The following C10orf67 variants were observed in gnomAD, a reference collection of about 807,000 sequenced individuals.
C10orf67 encodes chromosome 10 open reading frame 67.
C10orf67 carries 60 observed loss-of-function variants against 35.6 expected under a neutral mutation model. That is an observed-to-expected ratio of 1.68 (90% CI 1.37 to 2.09). C10orf67 has a LOEUF of 2.09. Among genes scored for constraint, C10orf67 ranks in the 30% most tolerant of loss-of-function variants. The probability of loss-of-function intolerance (pLI) is 0.00; values close to 1 mark genes in which losing one functional copy is unlikely to be tolerated. For synonymous variants in C10orf67, 167 were observed against 115.8 expected (o/e 1.44, Z -2.84); for missense variants, 474 against 330.2 (o/e 1.44, Z -3.38).
chr10:23,204,467 G>C (rs893803121), intron 15 of C10orf67, among the ~76,000 whole-genome samples: 2 of 152,162 alleles, frequency 1.3e-5, no homozygotes, highest in South Asian at 2.1e-4. Context: ...TCCAGACAGC[G>C]TGTGCCAGCC....
chr10:23,224,303 C>A (rs1455166515), intron 13 of C10orf67, among the ~76,000 whole-genome samples: 2 of 152,202 alleles, frequency 1.3e-5, no homozygotes, highest in East Asian at 3.9e-4. Flanking sequence ...TCCAACAGAC[C>A]TGCAGCTGAG....
rs1157339401 is a variant in C10orf67, at chr10:23,344,555, G to A, written c.206+14C>T. 1 of 1,564,664 alleles carries A rather than the reference G, an allele frequency of 6.4e-7. No individual in the cohort carries two copies. The highest frequency in any genetic ancestry group is 1.2e-5 in the South Asian group (1 of 84,992). On this transcript the variant is annotated intron_variant, in intron 1 of 15. Coordinates refer to ENST00000636213, the MANE Select transcript of C10orf67 (RefSeq NM_001371909.1). ...CTCGCTTCCTCCTCTACCCAGGCGCGGAGCTCAGCCTACCTCGTGGACCCG... is the reference window on the plus strand; with the variant it reads ...CTCGCTTCCTCCTCTACCCAGGCGCAGAGCTCAGCCTACCTCGTGGACCCG...
intron 5 of C10orf67, among the ~76,000 whole-genome samples, chr10:23,295,052 GAGCA>G (rs1434273736): frequency 1.3e-5 from 2 of 152,212 alleles, no homozygotes; most frequent in African/African-American, 4.8e-5. Context: ...GGGGAGAGCA[GAGCA>G]GTCAGGAGGG....
intron 15 of C10orf67, among the ~76,000 whole-genome samples, chr10:23,213,195 C>T (rs1841354868): frequency 6.6e-6 from 1 of 152,076 alleles, no homozygotes; most frequent in South Asian, 2.1e-4. Flanking sequence ...GAAGAATTCA[C>T]CCATATACAC....
intron 1 of C10orf67, 38 bp from the exon 2 acceptor site, chr10:23,333,220 G>T: frequency 2.0e-6 from 3 of 1,530,878 alleles, no homozygotes; most frequent in Non-Finnish European, 2.7e-6. Context: ...TTAAGTCATA[G>T]ATATTTTCTT....
At chr10:23,214,169 C>G (rs757230234) in intron 15 of C10orf67, among the ~76,000 whole-genome samples, 3 of 151,378 alleles carry the variant, frequency 2.0e-5, no homozygotes, top group African/African-American at 4.9e-5. Flanking sequence ...AAATGTATAA[C>G]AAAAAACTGA....
At chr10:23,227,454 A>T (rs1213289135) in intron 13 of C10orf67, among the ~76,000 whole-genome samples, 11 of 152,212 alleles carry the variant, frequency 7.2e-5, no homozygotes, top group Non-Finnish European at 1.3e-4. Context: ...AATAAGAGCT[A>T]TTTATGACAA....
rs1235001751 is a variant in C10orf67 at position 23,260,218 on chromosome 10, C to T, written c.1200+6044G>A. 4.6e-5 allele frequency among the ~76,000 whole-genome samples: 7 copies of T among 151,932 alleles called. No homozygotes were observed. The East Asian group carries it at 9.7e-4, about 21-fold the overall frequency. ...ACTTCTTATCAGGAACTATGCAAGC[C>T]GAAAGAGGGTGTAGTCATATCTTCA... On this transcript the variant is annotated intron_variant, in intron 10 of 15. Transcript: ENST00000636213.
intron 15 of C10orf67, among the ~76,000 whole-genome samples, chr10:23,212,097 T>C (rs1841323917): frequency 6.6e-6 from 1 of 152,028 alleles, no homozygotes; most frequent in Admixed American, 6.6e-5. Context: ...TGTGTCCTTA[T>C]AAAAAGAAGG....
chr10:23,292,605 A>G (rs1243428646), intron 5 of C10orf67, among the ~76,000 whole-genome samples: 5 of 152,200 alleles, frequency 3.3e-5, no homozygotes, highest in African/African-American at 1.2e-4. Flanking sequence ...GAAGTAAACT[A>G]TTAAAATATT....
rs1187952350 is a variant in C10orf67, at chr10:23,282,095, A to G, written c.910-17T>C. Reference sequence around the variant, plus strand: ...ATCCATTAACTGAAATAGAGAAGAAATTATATTTTTATTAAAGATAAGAAC... The same window carrying G: ...ATCCATTAACTGAAATAGAGAAGAAGTTATATTTTTATTAAAGATAAGAAC... On this transcript the variant is annotated splice_polypyrimidine_tract_variant and intron_variant, in intron 7 of 15. Coordinates refer to ENST00000636213, the MANE Select transcript of C10orf67 (RefSeq NM_001371909.1). 1.9e-6 allele frequency: 1 copy of G among 536,894 alleles called. No individual in the cohort carries two copies. The highest frequency in any genetic ancestry group is 3.3e-6 in the Non-Finnish European group (1 of 299,642). The allele number at this position is 536,894 out of a possible 1,614,324, so 33.3% of individuals were successfully genotyped here. A position where few individuals can be genotyped will look rare whatever the true frequency, so the allele number is the denominator to read the frequency against.
chr10:23,307,890 A>T (rs1564502012), intron 4 of C10orf67, among the ~76,000 whole-genome samples: 2 of 152,160 alleles, frequency 1.3e-5, no homozygotes, highest in Non-Finnish European at 2.9e-5. Flanking sequence ...AAGTCCTGGG[A>T]CTACAGAGCC....
intron 15 of C10orf67, among the ~76,000 whole-genome samples, chr10:23,206,663 A>G (rs1841166497): frequency 6.6e-6 from 1 of 152,196 alleles, no homozygotes. Context: ...TAAATGCCTC[A>G]TTCATGTAGC....
chr10:23,234,654 G>A (rs1432668369), intron 13 of C10orf67, among the ~76,000 whole-genome samples: 1 of 151,508 alleles, frequency 6.6e-6, no homozygotes, highest in East Asian at 1.9e-4. Context: ...TAACAAACCT[G>A]CACATGTACC....
At chr10:23,235,012 C>CAAAAAAAAAAAAAAAAAAAACAA (rs57049730) in intron 13 of C10orf67, among the ~76,000 whole-genome samples, 1 of 76,050 alleles carries the variant, frequency 1.3e-5, no homozygotes, top group Non-Finnish European at 2.6e-5. Flanking sequence ...AATTCCATCT[C>CAAAAAAAAAAAAAAAAAAAACAA]AAAAAAAAAA....
intron 15 of C10orf67, among the ~76,000 whole-genome samples, chr10:23,204,997 G>A (rs1841120889): frequency 1.3e-5 from 2 of 152,340 alleles, no homozygotes; most frequent in South Asian, 4.1e-4. Context: ...ACCGGTAGGT[G>A]TCAATGTGGA....
At chr10:23,227,711 C>T (rs55780498) in intron 13 of C10orf67, among the ~76,000 whole-genome samples, 8 of 152,298 alleles carry the variant, frequency 5.3e-5, no homozygotes, top group African/African-American at 1.9e-4. Flanking sequence ...CCTAAAATCT[C>T]CTTAAGCTGA....
At chr10:23,337,006 A>G (rs937945747) in intron 1 of C10orf67, among the ~76,000 whole-genome samples, 1 of 152,222 alleles carries the variant, frequency 6.6e-6, no homozygotes, top group Non-Finnish European at 1.5e-5. Flanking sequence ...AAAATGATGA[A>G]GAAACTAGAT....
chr10:23,260,423 C>G (rs1842718430), intron 10 of C10orf67, among the ~76,000 whole-genome samples: 2 of 152,000 alleles, frequency 1.3e-5, no homozygotes, highest in Admixed American at 6.5e-5. Flanking sequence ...TAGATCTACA[C>G]AAAGAAATGA....
Sources: allele counts gnomAD v4.1 joint callset (sites outside exome capture counted in the v4.1 genomes callset), GRCh38; gene constraint gnomAD v4.1.1; transcripts MANE v1.5; gene names NCBI Gene and HGNC (gene_info 2026-07-23, HGNC 2026-07-21).